The following KIAA1328 variants were observed in gnomAD, a reference collection of about 807,000 sequenced individuals.
KIAA1328 encodes the protein KIAA1328, also known as protein hinderin.
In KIAA1328, 52 loss-of-function variants were observed where a neutral mutation model predicts 68.1. The ratio of observed to expected loss-of-function variants is 0.76; its 90% CI spans 0.61 to 0.96. The LOEUF (loss-of-function observed/expected upper bound fraction) is 0.96. Among genes scored for constraint, KIAA1328 ranks in the 40% least tolerant of loss-of-function variants. The probability of loss-of-function intolerance (pLI) is 0.00; values close to 1 mark genes in which losing one functional copy is unlikely to be tolerated. For missense variants in KIAA1328, 641 were observed against 677.6 expected (o/e 0.95, Z 0.60); for synonymous variants, 232 against 239.4 (o/e 0.97, Z 0.28).
chr18:37,096,254 T>G lies in KIAA1328; in HGVS notation c.1232+28709T>G, dbSNP rs547632174. Among the ~76,000 whole-genome samples, 3 of 152,158 alleles carry G rather than the reference T, an allele frequency of 2.0e-5. No homozygotes were observed. In the South Asian group the frequency reaches 6.2e-4, roughly 32 times the overall value. On this transcript the variant is annotated intron_variant, in intron 7 of 9. Coordinates refer to ENST00000280020, the MANE Select transcript of KIAA1328 (RefSeq NM_020776.3). ...CCGCCCACCCCACAACAGGCCCCGC[T>G]GTGTGATGTTCCCCTTCCTGTGTCC...
chr18:37,133,332 C>A (rs911632916), intron 7 of KIAA1328, among the ~76,000 whole-genome samples: 7 of 147,922 alleles, frequency 4.7e-5, no homozygotes, highest in Non-Finnish European at 1.1e-4. Flanking sequence ...AAAAAAAAAA[C>A]TACCAATGGA....
chr18:36,850,528 TAATAAAGTTC>T (rs1244240030), intron 4 of KIAA1328, among the ~76,000 whole-genome samples: 7 of 152,130 alleles, frequency 4.6e-5, no homozygotes, highest in Admixed American at 4.6e-4. Flanking sequence ...TACATACCTA[TAATAAAGTTC>T]AATTTATAAG....
At chr18:37,033,876 A>G (rs183164697) in intron 6 of KIAA1328, among the ~76,000 whole-genome samples, 17 of 152,316 alleles carry the variant, frequency 1.1e-4, no homozygotes, top group Admixed American at 2.0e-4. Flanking sequence ...GGCTTAGCTC[A>G]TTTGTTTGCC....
chr18:36,928,910 G>C (rs567056972), intron 5 of KIAA1328, among the ~76,000 whole-genome samples: 1 of 152,064 alleles, frequency 6.6e-6, no homozygotes, highest in Non-Finnish European at 1.5e-5. Context: ...TATTTTCTTT[G>C]TGTTTCATTT....
In KIAA1328 at chr18:36,910,608, C is replaced by T. The variant is rs141314944; in HGVS notation, c.448+24936C>T. ...TAAGATTGTCTTGGCAATGTGGGCTCTTTTTTTGGTTCCATATGAACTTTA... is the reference window on the plus strand; with the variant it reads ...TAAGATTGTCTTGGCAATGTGGGCTTTTTTTTTGGTTCCATATGAACTTTA... On this transcript the variant is annotated intron_variant, in intron 5 of 9. Coordinates refer to ENST00000280020, the MANE Select transcript of KIAA1328 (RefSeq NM_020776.3). Among the ~76,000 whole-genome samples the T allele has an allele frequency of 4.7e-3, 711 of 152,078 alleles. 7 individuals are homozygous for T. The highest frequency in any genetic ancestry group is 0.016 in the African/African-American group (674 of 41,484).
At chr18:36,904,881 T>TTAAA (rs1232219474) in intron 5 of KIAA1328, among the ~76,000 whole-genome samples, 2 of 152,122 alleles carry the variant, frequency 1.3e-5, no homozygotes, top group East Asian at 3.9e-4. Flanking sequence ...TGTTCTGTAT[T>TTAAA]TAGTGGTTGC....
At chr18:37,047,210 T>C (rs182917598) in intron 6 of KIAA1328, among the ~76,000 whole-genome samples, 1 of 152,332 alleles carries the variant, frequency 6.6e-6, no homozygotes. Flanking sequence ...ATACAATTAT[T>C]TCAGTTTAGG....
chr18:37,029,749 T>C (rs1342360978), intron 6 of KIAA1328, among the ~76,000 whole-genome samples: 1 of 152,192 alleles, frequency 6.6e-6, no homozygotes, highest in Admixed American at 6.5e-5. Flanking sequence ...GTAAATCTGC[T>C]GGAAACTGTT....
chr18:37,047,031 C>T (rs2151646111), intron 6 of KIAA1328, among the ~76,000 whole-genome samples: 1 of 152,294 alleles, frequency 6.6e-6, no homozygotes, highest in Admixed American at 6.5e-5. Flanking sequence ...ACTCGGGAGG[C>T]TGAGGCAGGA....
At chr18:37,068,999 C>CT (rs896872504) in intron 7 of KIAA1328, among the ~76,000 whole-genome samples, 2 of 151,758 alleles carry the variant, frequency 1.3e-5, no homozygotes, top group African/African-American at 2.4e-5. Context: ...TCCAATTTAT[C>CT]TTTTTTTTCT....
At chr18:36,994,817 G>A (rs1340645610) in intron 6 of KIAA1328, among the ~76,000 whole-genome samples, 2 of 151,912 alleles carry the variant, frequency 1.3e-5, no homozygotes, top group African/African-American at 4.8e-5. Context: ...TTTCAGCCTT[G>A]CCTCTACTCT....
intron 6 of KIAA1328, among the ~76,000 whole-genome samples, chr18:37,010,956 A>AT (rs948005158): frequency 6.6e-6 from 1 of 152,114 alleles, no homozygotes; most frequent in African/African-American, 2.4e-5. Flanking sequence ...AAGTGGTAAA[A>AT]TTTTTTGGTT....
intron 6 of KIAA1328, among the ~76,000 whole-genome samples, chr18:37,003,791 G>A (rs9952059): frequency 0.74 from 112,082 of 152,064 alleles, 44,251 homozygotes; most frequent in South Asian, 0.89. Flanking sequence ...ATGCAGTTTC[G>A]TTCTCTTAAA....
intron 9 of KIAA1328, among the ~76,000 whole-genome samples, chr18:37,183,279 T>C (rs186775622): frequency 3.3e-5 from 5 of 152,314 alleles, no homozygotes; most frequent in Non-Finnish European, 5.9e-5. Context: ...AAGGATTTAA[T>C]TCCCTTCAGA....
rs529166710 is a variant in KIAA1328, at chr18:37,004,805, G to A, written c.576+45370G>A. 4.6e-5 allele frequency among the ~76,000 whole-genome samples: 7 copies of A among 152,228 alleles called. No individual in the cohort carries two copies. The East Asian group carries it at 5.8e-4, about 13-fold the overall frequency. ...ACAAAAAAGATACTTGCACATGCAC[G>A]TTTATAACAGCACAATTCACAATTG... On this transcript the variant is annotated intron_variant, in intron 6 of 9. Coordinates refer to ENST00000280020, the MANE Select transcript of KIAA1328 (RefSeq NM_020776.3).
At chr18:37,096,296 C>T (rs1046300643) in intron 7 of KIAA1328, among the ~76,000 whole-genome samples, 4 of 152,094 alleles carry the variant, frequency 2.6e-5, no homozygotes, top group Non-Finnish European at 5.9e-5. Flanking sequence ...TCTCATTGTT[C>T]AATTCCCACC....
chr18:37,133,309 G>A (rs1391753622), intron 7 of KIAA1328, among the ~76,000 whole-genome samples: 10 of 149,678 alleles, frequency 6.7e-5, no homozygotes, highest in Middle Eastern at 3.4e-3. Context: ...TCCAGCCTGG[G>A]CAATAAGAAA....
intron 9 of KIAA1328, among the ~76,000 whole-genome samples, chr18:37,186,684 G>T (rs1425718424): frequency 1.4e-5 from 2 of 147,404 alleles, no homozygotes; most frequent in Non-Finnish European, 3.0e-5. Context: ...CCTTTTTAGA[G>T]GATATAAATT....
intron 7 of KIAA1328, among the ~76,000 whole-genome samples, chr18:37,154,365 T>G (rs1338616781): frequency 6.6e-6 from 1 of 152,206 alleles, no homozygotes; most frequent in Non-Finnish European, 1.5e-5. Context: ...TAGAGGCCAT[T>G]CTTTCTGTCA....
Sources: allele counts gnomAD v4.1 joint callset (sites outside exome capture counted in the v4.1 genomes callset), GRCh38; gene constraint gnomAD v4.1.1; transcripts MANE v1.5; gene names NCBI Gene and HGNC (gene_info 2026-07-23, HGNC 2026-07-21).